Variants in MRTFA observed in about 807,000 individuals in gnomAD.
MRTFA encodes myocardin-related transcription factor A.
MRTFA carries 20 observed loss-of-function variants against 83.5 expected under a neutral mutation model. The observed-to-expected ratio is 0.24, with a 90% CI of 0.17 to 0.35. The LOEUF (loss-of-function observed/expected upper bound fraction) is 0.35. MRTFA is among the 10% of genes least tolerant of loss of function. The pLI, the probability that MRTFA is intolerant of heterozygous loss-of-function variation, is 1.00. For synonymous variants in MRTFA, 659 were observed against 541.2 expected, an observed-to-expected ratio of 1.22 and a Z score of -3.02; for missense variants, 1,200 against 1,224.7, an observed-to-expected ratio of 0.98 and a Z score of 0.30.
intron 2 of MRTFA, among the ~76,000 whole-genome samples, chr22:40,584,848 G>A (rs777776595): frequency 2.6e-5 from 4 of 151,438 alleles, no homozygotes; most frequent in African/African-American, 4.9e-5. Context: ...GTTTAGGACC[G>A]GCCTAGCCAA....
At chr22:40,599,584 G>A (rs1013589404) in intron 1 of MRTFA, among the ~76,000 whole-genome samples, 2 of 151,966 alleles carry the variant, frequency 1.3e-5, no homozygotes, top group Non-Finnish European at 2.9e-5. Flanking sequence ...TTTAATTTAG[G>A]GGAAGAGAAT....
intron 2 of MRTFA, among the ~76,000 whole-genome samples, chr22:40,574,738 T>C (rs2055844962): frequency 6.6e-6 from 1 of 152,112 alleles, no homozygotes. Flanking sequence ...CTGGCTTGTA[T>C]TAGTTATTAT....
At chr22:40,603,787 T>A (rs997164772) in intron 1 of MRTFA, among the ~76,000 whole-genome samples, 16 of 148,342 alleles carry the variant, frequency 1.1e-4, no homozygotes, top group South Asian at 2.1e-4. Flanking sequence ...TTTTTTTTTT[T>A]AATTTATAGA....
chr22:40,418,129 C>T lies in MRTFA; in HGVS notation c.2364+245G>A, dbSNP rs538423221. 9.2e-5 allele frequency among the ~76,000 whole-genome samples: 14 copies of T among 152,286 alleles called. No individual in the cohort carries two copies. In the East Asian group the frequency reaches 1.2e-3, roughly 13 times the overall value. On this transcript the variant is annotated intron_variant, in intron 12 of 14. Transcript: ENST00000355630. ...CTCAGGAGTCCTGCTGCTGAGGTGC[C>T]GAAATGTTCTAGTCTCAACAGCCAG... is the stretch of plus-strand genomic sequence containing the variant.
chr22:40,539,012 T>TTTTTC (rs1569318780), intron 3 of MRTFA, among the ~76,000 whole-genome samples: 1 of 134,018 alleles, frequency 7.5e-6, no homozygotes. Context: ...TTTTTTTTTT[T>TTTTTC]GAGACAAAGT....
intron 3 of MRTFA, among the ~76,000 whole-genome samples, chr22:40,517,526 A>AT (rs1169431999): frequency 6.6e-6 from 1 of 152,194 alleles, no homozygotes; most frequent in Non-Finnish European, 1.5e-5. Flanking sequence ...GTAAAATGGG[A>AT]TAAGAGCACC....
chr22:40,424,765 G>A (rs1261392077), intron 7 of MRTFA, among the ~76,000 whole-genome samples: 1 of 152,160 alleles, frequency 6.6e-6, no homozygotes, highest in Non-Finnish European at 1.5e-5. Context: ...TATTGTTAAA[G>A]GTACTCTGTA....
chr22:40,617,932 G>A (rs1205321282), intron 1 of MRTFA, among the ~76,000 whole-genome samples: 2 of 152,128 alleles, frequency 1.3e-5, no homozygotes, highest in African/African-American at 4.8e-5. Flanking sequence ...AATTGACAAA[G>A]TCCCTGCCCT....
chr22:40,434,860 T>C (rs2053137603), intron 5 of MRTFA, among the ~76,000 whole-genome samples: 1 of 152,150 alleles, frequency 6.6e-6, no homozygotes, highest in African/African-American at 2.4e-5. Flanking sequence ...TTCTGGTGAC[T>C]TCCCCATCTC....
intron 11 of MRTFA, among the ~76,000 whole-genome samples, chr22:40,419,687 A>G (rs1251308022): frequency 6.6e-6 from 1 of 152,234 alleles, no homozygotes; most frequent in Non-Finnish European, 1.5e-5. Context: ...TGGGCTCAAT[A>G]AATATTCAAT....
intron 2 of MRTFA, among the ~76,000 whole-genome samples, chr22:40,561,475 A>G (rs1290001438): frequency 2.7e-5 from 4 of 146,504 alleles, no homozygotes. Flanking sequence ...TGGATGATGG[A>G]GTGAAACTAT....
intron 2 of MRTFA, chr22:40,587,357 T>C (rs1008933941): frequency 1.2e-5 from 5 of 411,556 alleles, no homozygotes; most frequent in African/African-American, 2.1e-5. Context: ...TCGGAAGGCT[T>C]TGACAATACA....
intron 13 of MRTFA, 118 bp downstream of exon 13, chr22:40,417,223 C>A: frequency 6.9e-7 from 1 of 1,459,646 alleles, no homozygotes; most frequent in Non-Finnish European, 9.3e-7. Context: ...CAAGGCCTCT[C>A]TGACCCTGAA....
rs568354020 is a variant in MRTFA, at chr22:40,417,936, C to T, written c.2364+438G>A. The stretch of plus-strand genomic sequence containing the variant: ...GAGAGGGTCTGCTGAGGGAGCTTTC[C>T]GCTGCTGACACCTTGGTGGGGACAG... On this transcript the variant is annotated intron_variant, in intron 12 of 14. Coordinates refer to ENST00000355630, the MANE Select transcript of MRTFA (RefSeq NM_020831.6). 1.1e-4 allele frequency among the ~76,000 whole-genome samples: 17 copies of T among 152,290 alleles called. No homozygotes were observed. The South Asian group carries it at 1.9e-3, about 17-fold the overall frequency.
chr22:40,530,593 G>A (rs756202988), intron 3 of MRTFA, among the ~76,000 whole-genome samples: 13 of 152,342 alleles, frequency 8.5e-5, no homozygotes, highest in South Asian at 2.1e-4. Flanking sequence ...CACCGCGCCC[G>A]GCCCCATAAT....
intron 3 of MRTFA, among the ~76,000 whole-genome samples, chr22:40,534,704 T>C (rs2055137584): frequency 6.6e-6 from 1 of 152,186 alleles, no homozygotes; most frequent in African/African-American, 2.4e-5. Context: ...TTCATAACAA[T>C]GATATTAAGA....
intron 3 of MRTFA, among the ~76,000 whole-genome samples, chr22:40,535,496 G>A (rs1238824074): frequency 6.6e-6 from 1 of 151,772 alleles, no homozygotes; most frequent in Non-Finnish European, 1.5e-5. Context: ...GGGACTACAG[G>A]CATATGCCAC....
intron 3 of MRTFA, among the ~76,000 whole-genome samples, chr22:40,498,098 G>A (rs2054386930): frequency 6.6e-6 from 1 of 151,584 alleles, no homozygotes; most frequent in Non-Finnish European, 1.5e-5. Context: ...CAAGATCACA[G>A]CACTGCACTC....
chr22:40,558,247 CTTTTTTT>C (rs34991397), intron 2 of MRTFA, among the ~76,000 whole-genome samples: 3 of 45,486 alleles, frequency 6.6e-5, no homozygotes, highest in Admixed American at 2.8e-4. Context: ...TCATGCCTGG[CTTTTTTT>C]TTTTTTTTTT....
Sources: gnomAD v4.1 joint callset for allele counts (sites outside exome capture counted in the v4.1 genomes callset) on GRCh38, gnomAD v4.1.1 for gene constraint, MANE v1.5 for transcripts, NCBI Gene and HGNC (gene_info 2026-07-23, HGNC 2026-07-21) for gene names.